The following SEC24B variants were observed in gnomAD, a reference collection of about 807,000 sequenced individuals.
SEC24B encodes the protein protein transport protein Sec24B.
Under a neutral mutation model 142.8 loss-of-function variants are expected in SEC24B, and 45 were observed. The observed-to-expected ratio is 0.32, with a 90% CI of 0.25 to 0.40. The LOEUF (loss-of-function observed/expected upper bound fraction) is 0.40. SEC24B is among the 10% of genes least tolerant of loss of function. SEC24B has a pLI of 1.00. For synonymous variants in SEC24B, 574 were observed against 568.2 expected (o/e 1.01, Z -0.15); for missense variants, 1,409 against 1,526.8 (o/e 0.92, Z 1.29).
chr4:109,482,709 G>A (rs1338617541), intron 4 of SEC24B, among the ~76,000 whole-genome samples: 1 of 150,686 alleles, frequency 6.6e-6, no homozygotes, highest in Non-Finnish European at 1.5e-5. Context: ...CACAATCATG[G>A]CTCCTGCCAA....
intron 22 of SEC24B, among the ~76,000 whole-genome samples, chr4:109,536,938 CAATA>C (rs767409534): frequency 1.8e-3 from 275 of 151,376 alleles, no homozygotes; most frequent in Non-Finnish European, 3.0e-3. Flanking sequence ...TATTTGGTAA[CAATA>C]AATAAATAAA....
intron 1 of SEC24B, among the ~76,000 whole-genome samples, chr4:109,434,305 G>A (rs972481659): frequency 2.6e-5 from 4 of 152,146 alleles, no homozygotes; most frequent in African/African-American, 9.7e-5. Flanking sequence ...ACGGCCTCGG[G>A]CGAGTAGGGG....
At chr4:109,513,693 ATG>A (rs1737629914) in intron 9 of SEC24B, 52 bp from the exon 10 acceptor site, 1 of 929,800 alleles carries the variant, frequency 1.1e-6, no homozygotes, top group African/African-American at 1.6e-5. Context: ...GTGTGTATAT[ATG>A]TGTTTAGTTA....
intron 2 of SEC24B, among the ~76,000 whole-genome samples, chr4:109,472,643 A>G (rs543498641): frequency 6.6e-6 from 1 of 152,198 alleles, no homozygotes; most frequent in South Asian, 2.1e-4. Context: ...AATCTGTGCA[A>G]TAATTAGTAT....
intron 1 of SEC24B, among the ~76,000 whole-genome samples, chr4:109,453,454 C>G (rs1049495331): frequency 4.9e-5 from 6 of 121,592 alleles, no homozygotes; most frequent in African/African-American, 9.6e-5. Flanking sequence ...CCCCCCCCCC[C>G]CCCCCGAATG....
At chr4:109,500,046 T>C (rs1204704062) in intron 6 of SEC24B, among the ~76,000 whole-genome samples, 1 of 152,152 alleles carries the variant, frequency 6.6e-6, no homozygotes, top group African/African-American at 2.4e-5. Flanking sequence ...TGTGTAGGAC[T>C]AAGCAAATGT....
At chr4:109,527,144 AG>A (rs975280071) in intron 17 of SEC24B, among the ~76,000 whole-genome samples, 177 bp from the exon 18 acceptor site, 10 of 151,646 alleles carry the variant, frequency 6.6e-5, no homozygotes, top group African/African-American at 2.2e-4. Flanking sequence ...ACTTGAACCT[AG>A]GAGACAGAAG....
At chr4:109,501,439 T>G (rs1381555443) in intron 6 of SEC24B, among the ~76,000 whole-genome samples, 1 of 152,242 alleles carries the variant, frequency 6.6e-6, no homozygotes. Flanking sequence ...ACTATTTCCT[T>G]AAGTGGAATT....
chr4:109,440,876 G>A (rs1427149022), intron 1 of SEC24B, among the ~76,000 whole-genome samples: 1 of 152,186 alleles, frequency 6.6e-6, no homozygotes, highest in Non-Finnish European at 1.5e-5. Context: ...CTGTGTGCCA[G>A]CTCCCTCTCC....
At position 109,463,014 on chromosome 4, in the gene SEC24B, T is replaced by A. The variant is rs754495945; in HGVS notation, c.247T>A (p.Leu83Met). 6.2e-7 allele frequency: 1 copy of A among 1,614,142 alleles called. No homozygotes were observed. The highest frequency in any genetic ancestry group is 8.5e-7 in the Non-Finnish European group (1 of 1,179,998). Residue 83 changes from leucine (L) to methionine (M), a missense_variant, in exon 2 of 24, where the codon TTG becomes ATG. By Grantham distance (15) the Leu-to-Met change is conservative. Transcript: ENST00000265175. ...QGPGKMTSLP[L>M]DTQCGDYYSA... The stretch of plus-strand genomic sequence containing the variant: ...ACCTGGGAAAATGACCTCATTGCCA[T>A]TGGATACCCAGTGTGGTGATTACTA...
At chr4:109,525,538 A>G (rs370975549) in intron 16 of SEC24B, 34 bp downstream of exon 16, 28 of 1,457,198 alleles carry the variant, frequency 1.9e-5, no homozygotes, top group Non-Finnish European at 2.6e-5. Context: ...TTTATATTAA[A>G]TACTTGTATC....
Position 109,525,875 on chromosome 4 carries a change from T to A in SEC24B, c.2792-351T>A, listed in dbSNP as rs538837970. ...GGTTTTATGTGAATATTTGTTTTAA[T>A]CCTTTATTTTACCTTTATTTTAAAT... is the stretch of plus-strand genomic sequence containing the variant. On this transcript the variant is annotated intron_variant, in intron 16 of 23. Coordinates refer to ENST00000265175, the MANE Select transcript of SEC24B (RefSeq NM_006323.5). Among the ~76,000 whole-genome samples, 9 of 152,250 alleles carry A rather than the reference T, an allele frequency of 5.9e-5. No individual in the cohort carries two copies. The South Asian group carries it at 1.9e-3, about 32-fold the overall frequency.
chr4:109,509,776 T>C (rs1737126999), intron 7 of SEC24B, among the ~76,000 whole-genome samples: 1 of 152,066 alleles, frequency 6.6e-6, no homozygotes, highest in Non-Finnish European at 1.5e-5. Context: ...GAGTAGTTGG[T>C]CTTCCCTGAA....
At chr4:109,492,061 C>T (rs746442089) in intron 5 of SEC24B, among the ~76,000 whole-genome samples, 2 of 151,550 alleles carry the variant, frequency 1.3e-5, no homozygotes, top group Non-Finnish European at 2.9e-5. Flanking sequence ...TCAAAACTAA[C>T]AGAAAAAGCA....
chr4:109,510,692 G>A (rs1413243385), intron 8 of SEC24B, among the ~76,000 whole-genome samples: 1 of 152,106 alleles, frequency 6.6e-6, no homozygotes, highest in Non-Finnish European at 1.5e-5. Flanking sequence ...TGTAACAGTA[G>A]GGATTTTTAA....
intron 6 of SEC24B, among the ~76,000 whole-genome samples, chr4:109,501,402 A>G (rs1736128163): frequency 6.6e-6 from 1 of 152,244 alleles, no homozygotes; most frequent in Non-Finnish European, 1.5e-5. Flanking sequence ...CGACGTGACT[A>G]CACACACAAT....
intron 2 of SEC24B, among the ~76,000 whole-genome samples, chr4:109,471,407 ACTG>A (rs954371967): frequency 6.6e-6 from 1 of 152,106 alleles, no homozygotes; most frequent in African/African-American, 2.4e-5. Context: ...GGCCTCCTAA[ACTG>A]CTGGGATTAT....
At chr4:109,539,081 C>T (rs1430105182) in intron 23 of SEC24B, among the ~76,000 whole-genome samples, 2 of 152,096 alleles carry the variant, frequency 1.3e-5, no homozygotes, top group African/African-American at 2.4e-5. Context: ...CCTGCCTCAG[C>T]CTCCCAAGTA....
intron 1 of SEC24B, among the ~76,000 whole-genome samples, chr4:109,434,226 G>C (rs1489245595): frequency 6.6e-6 from 1 of 151,564 alleles, no homozygotes; most frequent in Non-Finnish European, 1.5e-5. Flanking sequence ...CGCCCCTGGC[G>C]TGGGGGCGGG....
Sources: gnomAD v4.1 joint callset for allele counts (sites outside exome capture counted in the v4.1 genomes callset) on GRCh38, gnomAD v4.1.1 for gene constraint, MANE v1.5 for transcripts, NCBI Gene and HGNC (gene_info 2026-07-23, HGNC 2026-07-21) for gene names.